Variants in TANGO6 observed in about 807,000 individuals in gnomAD.
The protein encoded by TANGO6 is transport and Golgi organization protein 6 homolog.
TANGO6 carries 90 observed loss-of-function variants against 114.2 expected under a neutral mutation model. The observed-to-expected ratio is 0.79, with a 90% CI of 0.66 to 0.94. TANGO6 has a LOEUF of 0.94. Ranked by LOEUF, TANGO6 falls within the 40% of genes least tolerant of loss-of-function variation. The pLI is 0.00. For synonymous variants in TANGO6, 477 were observed against 509.8 expected (o/e 0.94, Z 0.87); for missense variants, 1,274 against 1,315.3 (o/e 0.97, Z 0.49).
intron 14 of TANGO6, among the ~76,000 whole-genome samples, chr16:68,945,691 CTT>C (rs879657897): frequency 1.4e-5 from 2 of 144,054 alleles, no homozygotes; most frequent in Non-Finnish European, 3.1e-5. Flanking sequence ...GATTCTTTGC[CTT>C]TTTTTTTTTT....
At chr16:69,067,102 G>T (rs1439213587) in intron 17 of TANGO6, among the ~76,000 whole-genome samples, 1 of 152,110 alleles carries the variant, frequency 6.6e-6, no homozygotes, top group Non-Finnish European at 1.5e-5. Context: ...TTGCTGTGTT[G>T]CTCAGGCTGG....
At chr16:69,063,867 G>A (rs1439253862) in intron 17 of TANGO6, among the ~76,000 whole-genome samples, 1 of 148,516 alleles carries the variant, frequency 6.7e-6, no homozygotes, top group Non-Finnish European at 1.5e-5. Context: ...TTGAGATGGA[G>A]CCTCTGTCGC....
At chr16:69,071,361 C>T (rs548630137) in intron 17 of TANGO6, among the ~76,000 whole-genome samples, 57 of 152,230 alleles carry the variant, frequency 3.7e-4, no homozygotes, top group Middle Eastern at 6.8e-3. Context: ...AACTCATTTT[C>T]CTATTAAGAA....
rs182305511 is a variant in TANGO6, at chr16:69,056,539, C to T, written c.3108+16118C>T. Among the ~76,000 whole-genome samples, 230 of 151,022 alleles carry T rather than the reference C, an allele frequency of 1.5e-3. 4 individuals are homozygous for T. Among genetic ancestry groups the T allele is most frequent in the Non-Finnish European group, 6.2e-4 (42 of 67,896 alleles). The stretch of plus-strand genomic sequence containing the variant: ...ACATTCTCCTCTTGGAGACTCAGTA[C>T]ATGTTAGCCTATTAAGAAGTCTGCG... On this transcript the variant is annotated intron_variant, in intron 17 of 17. Transcript: ENST00000261778.
chr16:68,988,768 C>T (rs76544358), intron 15 of TANGO6, among the ~76,000 whole-genome samples: 7,995 of 145,946 alleles, frequency 0.055, 292 homozygotes, highest in Non-Finnish European at 0.075. Flanking sequence ...GTTACAATCA[C>T]AGCTCACTGC....
rs566979146 is a variant in TANGO6, at chr16:69,070,194, C to G, written c.3109-13291C>G. On this transcript the variant is annotated intron_variant, in intron 17 of 17. Transcript: ENST00000261778. Reference sequence around the variant, plus strand: ...CTGCACTCCAGCCTCGGCGATAGAGCGAGACTCCTTCTCAAAAAAAAAGAA... The same window carrying G: ...CTGCACTCCAGCCTCGGCGATAGAGGGAGACTCCTTCTCAAAAAAAAAGAA... 1.1e-4 allele frequency among the ~76,000 whole-genome samples: 16 copies of G among 150,410 alleles called. No individual in the cohort carries two copies. In the East Asian group the frequency reaches 3.0e-3, roughly 28 times the overall value.
intron 16 of TANGO6, among the ~76,000 whole-genome samples, chr16:69,031,276 C>T (rs1959589042): frequency 6.6e-6 from 1 of 151,932 alleles, no homozygotes; most frequent in Non-Finnish European, 1.5e-5. Flanking sequence ...CTTGATTCAT[C>T]TTGTCATACC....
At position 69,084,251 on chromosome 16, in the gene TANGO6, G is replaced by A. The variant is rs1250454408; in HGVS notation, c.*590G>A. ...AATCTGGTCCTCTGGTGTCGAGATG[G>A]AAAACTGTGGAGTTGAAGAGGCTCT... On this transcript the variant is annotated 3_prime_UTR_variant, in exon 18 of 18. Coordinates refer to ENST00000261778, the MANE Select transcript of TANGO6 (RefSeq NM_024562.2). 1 of 152,398 alleles carries A rather than the reference G, an allele frequency of 6.6e-6. No homozygotes were observed. Among genetic ancestry groups the A allele is most frequent in the Non-Finnish European group, 1.5e-5 (1 of 68,078 alleles). The allele number at this position is 152,398 out of a possible 1,614,324, so 9.4% of individuals were successfully genotyped here.
intron 15 of TANGO6, among the ~76,000 whole-genome samples, chr16:69,013,117 C>T (rs1015924276): frequency 6.6e-6 from 1 of 150,632 alleles, no homozygotes; most frequent in African/African-American, 2.5e-5. Context: ...TAGTTACACA[C>T]CTTTTTTTTT....
Position 68,930,295 on chromosome 16 carries a change from G to A in TANGO6, c.2701G>A (p.Gly901Arg), listed in dbSNP as rs941474396. The A allele has an allele frequency of 2.6e-6, 4 of 1,553,306 alleles. No individual in the cohort carries two copies. In the African/African-American group the frequency reaches 4.1e-5, roughly 16 times the overall value. Residue 901 changes from glycine to arginine, a missense_variant and splice_region_variant, in exon 14 of 18, where the codon GGG becomes AGG. Gly to Arg is a moderately radical substitution (Grantham distance 125). This residue lies in a region of TANGO6 where 238 missense variants were observed against 252.9 expected (regional missense o/e 0.94). Coordinates refer to ENST00000261778, the MANE Select transcript of TANGO6 (RefSeq NM_024562.2). ...TTTTGTATATCTATCTGCAATTCAG[G>A]GTAAGTCAGTCCTGGTTAAAGGACT... ...DTFVYLSAIQ[G>R]VALLSDVYPE...
At chr16:68,889,764 C>T (rs2152175398) in intron 7 of TANGO6, among the ~76,000 whole-genome samples, 1 of 152,302 alleles carries the variant, frequency 6.6e-6, no homozygotes, top group African/African-American at 2.4e-5. Flanking sequence ...AGTTGACTGT[C>T]CATGCAACTT....
intron 12 of TANGO6, among the ~76,000 whole-genome samples, chr16:68,925,180 C>T (rs1419991849): frequency 1.3e-5 from 2 of 151,840 alleles, no homozygotes; most frequent in African/African-American, 2.4e-5. Context: ...GCATGGTGGC[C>T]GCACCTGGAG....
At chr16:69,030,920 G>A (rs1959583257) in intron 16 of TANGO6, among the ~76,000 whole-genome samples, 1 of 151,848 alleles carries the variant, frequency 6.6e-6, no homozygotes, top group African/African-American at 2.4e-5. Context: ...GCTGGGCATG[G>A]TGGTGCACGC....
chr16:68,977,626 C>T (rs1963777249), intron 15 of TANGO6, among the ~76,000 whole-genome samples: 1 of 150,724 alleles, frequency 6.6e-6, no homozygotes, highest in Admixed American at 6.6e-5. Context: ...TCTCTTGAAC[C>T]CGGGAGGCAG....
chr16:68,858,646 A>AT (rs980118485), intron 1 of TANGO6, among the ~76,000 whole-genome samples: 71 of 145,762 alleles, frequency 4.9e-4, no homozygotes, highest in African/African-American at 1.5e-3. Context: ...ACACTTGGCT[A>AT]TTTTTTTTTT....
intron 17 of TANGO6, among the ~76,000 whole-genome samples, chr16:69,080,241 T>TC (rs113974227): frequency 0.34 from 51,437 of 151,876 alleles, 11,639 homozygotes; most frequent in African/African-American, 0.66. Context: ...GGGGAAAAAA[T>TC]ATGGTACACA....
chr16:68,998,559 GTC>G (rs1054872486), intron 15 of TANGO6, among the ~76,000 whole-genome samples: 3 of 151,832 alleles, frequency 2.0e-5, no homozygotes, highest in African/African-American at 7.3e-5. Flanking sequence ...GTGAAACCCT[GTC>G]TCTACTAAAA....
chr16:68,932,377 C>T (rs538442307), intron 14 of TANGO6, among the ~76,000 whole-genome samples: 6 of 152,300 alleles, frequency 3.9e-5, no homozygotes, highest in African/African-American at 1.4e-4. Flanking sequence ...AGGCGTGAGC[C>T]ACCGCACCTG....
rs945832985 is a variant in TANGO6 at position 68,985,760 on chromosome 16, G to A, written c.2842+11592G>A. ...AATTTTAAAAGATACTTAGTGCCAA[G>A]CTGTCCTCCAGAAATGTACAGTCTT... is the stretch of plus-strand genomic sequence containing the variant. On this transcript the variant is annotated intron_variant, in intron 15 of 17. Coordinates refer to ENST00000261778, the MANE Select transcript of TANGO6 (RefSeq NM_024562.2). Among the ~76,000 whole-genome samples, 36 of 152,196 alleles carry A rather than the reference G, an allele frequency of 2.4e-4. 1 individual carries two copies. Among genetic ancestry groups the A allele is most frequent in the African/African-American group, 7.0e-4 (29 of 41,464 alleles).
Sources: gnomAD v4.1 joint callset for allele counts (sites outside exome capture counted in the v4.1 genomes callset) on GRCh38, gnomAD v4.1.1 for gene constraint, gnomAD v4.1.1 regional missense constraint, MANE v1.5 for transcripts, NCBI Gene and HGNC (gene_info 2026-07-23, HGNC 2026-07-21) for gene names.